MEI4: variants seen among roughly 807,000 people sequenced by gnomAD.
MEI4 encodes the protein meiotic double-stranded break formation protein 4, also known as meiosis-specific protein MEI4.
MEI4 carries 27 observed loss-of-function variants against 31.4 expected under a neutral mutation model. That is an observed-to-expected ratio of 0.86 (90% confidence interval 0.63 to 1.19). MEI4 has a LOEUF of 1.19. MEI4 is among the 50% of genes most tolerant of loss of function. The pLI, the probability that MEI4 is intolerant of heterozygous loss-of-function variation, is 0.00. For missense variants in MEI4, 329 were observed against 398.9 expected (o/e 0.82, Z 1.49); for synonymous variants, 122 against 145.4 (o/e 0.84, Z 1.16).
intron 3 of MEI4, among the ~76,000 whole-genome samples, chr6:77,764,488 T>C (rs1346593694): frequency 6.6e-6 from 1 of 152,212 alleles, no homozygotes; most frequent in Non-Finnish European, 1.5e-5. Flanking sequence ...CTGCTAATTT[T>C]TGGCTTAGTT....
At chr6:77,844,658 A>T (rs1252139329) in intron 4 of MEI4, among the ~76,000 whole-genome samples, 1 of 152,180 alleles carries the variant, frequency 6.6e-6, no homozygotes, top group African/African-American at 2.4e-5. Flanking sequence ...AATTTAAATT[A>T]TGCAGGGAAT....
intron 4 of MEI4, among the ~76,000 whole-genome samples, chr6:77,869,010 G>A (rs1295076740): frequency 6.6e-6 from 1 of 152,038 alleles, no homozygotes; most frequent in Non-Finnish European, 1.5e-5. Context: ...CGAGCTGGAT[G>A]CCTAATGCAG....
chr6:77,921,905 C>T (rs1266994721), intron 4 of MEI4, among the ~76,000 whole-genome samples: 1 of 151,628 alleles, frequency 6.6e-6, no homozygotes, highest in Non-Finnish European at 1.5e-5. Flanking sequence ...GATTGCAGAT[C>T]ACTGTAACAG....
intron 2 of MEI4, among the ~76,000 whole-genome samples, chr6:77,728,267 A>G (rs1052637584): frequency 3.9e-5 from 6 of 152,232 alleles, no homozygotes; most frequent in Non-Finnish European, 8.8e-5. Flanking sequence ...ACACTAGCTT[A>G]GTTCTAAAGA....
At chr6:77,888,029 T>A (rs1025090298) in intron 4 of MEI4, among the ~76,000 whole-genome samples, 6 of 152,196 alleles carry the variant, frequency 3.9e-5, no homozygotes, top group African/African-American at 1.4e-4. Flanking sequence ...ACTGTCCTCA[T>A]CTCCTTTTAT....
intron 4 of MEI4, among the ~76,000 whole-genome samples, chr6:77,850,230 A>G (rs1285050826): frequency 6.6e-6 from 1 of 152,170 alleles, no homozygotes; most frequent in Non-Finnish European, 1.5e-5. Context: ...TTATAGATTC[A>G]ATGCCATCCC....
upstream of MEI4, among the ~76,000 whole-genome samples, chr6:77,650,623 G>A (rs1172520540): frequency 3.3e-5 from 5 of 152,228 alleles, no homozygotes; most frequent in Non-Finnish European, 7.3e-5. Context: ...CCCTCCCTCA[G>A]CGCGAGGCCT....
intron 4 of MEI4, among the ~76,000 whole-genome samples, chr6:77,848,812 T>C (rs1770545560): frequency 1.3e-5 from 2 of 152,218 alleles, no homozygotes; most frequent in Admixed American, 6.6e-5. Context: ...TATTAACCAA[T>C]TTATTTTGAA....
chr6:77,926,119 T>C lies in MEI4; in HGVS notation c.*2773T>C, dbSNP rs576373113. The C allele has an allele frequency of 6.6e-6, 1 of 152,082 alleles. No individual in the cohort carries two copies. The highest frequency in any genetic ancestry group is 1.5e-5 in the Non-Finnish European group (1 of 67,956). The allele number at this position is 152,082 out of a possible 1,614,324, so 9.4% of individuals were successfully genotyped here. On this transcript the variant is annotated 3_prime_UTR_variant, in exon 5 of 5. Transcript: ENST00000684080. ...CACTGCCTGTTATGTGCAGCTCTCC[T>C]GGCACTTCAGTAAACTTTCACAAAC...
chr6:77,696,395 G>A (rs1247495979), intron 2 of MEI4, among the ~76,000 whole-genome samples: 1 of 152,182 alleles, frequency 6.6e-6, no homozygotes, highest in Non-Finnish European at 1.5e-5. Context: ...GATATTGGCT[G>A]TGGGATTCTC....
chr6:77,895,604 A>G (rs1766067176), intron 4 of MEI4, among the ~76,000 whole-genome samples: 1 of 152,090 alleles, frequency 6.6e-6, no homozygotes, highest in Non-Finnish European at 1.5e-5. Context: ...TCTTTTATAC[A>G]GCATGCTCTC....
At chr6:77,731,454 T>C (rs201013617) in intron 2 of MEI4, among the ~76,000 whole-genome samples, 16,593 of 144,760 alleles carry the variant, frequency 0.11, 702 homozygotes, top group Middle Eastern at 0.17. Context: ...TCATGTCCTT[T>C]GCCCACTTTT....
chr6:77,728,169 G>A (rs534396595), intron 2 of MEI4, among the ~76,000 whole-genome samples: 1 of 152,092 alleles, frequency 6.6e-6, no homozygotes, highest in South Asian at 2.1e-4. Context: ...GATTATATAG[G>A]TAACTGAAAG....
chr6:77,823,226 G>GTA (rs1395183059), intron 3 of MEI4, among the ~76,000 whole-genome samples: 2 of 151,866 alleles, frequency 1.3e-5, no homozygotes, highest in Admixed American at 6.6e-5. Flanking sequence ...TATTTTTATA[G>GTA]TATATATATA....
At chr6:77,766,132 G>A (rs1420780897) in intron 3 of MEI4, among the ~76,000 whole-genome samples, 1 of 152,190 alleles carries the variant, frequency 6.6e-6, no homozygotes, top group Non-Finnish European at 1.5e-5. Flanking sequence ...ACAGCTTCCA[G>A]TTGACCAATG....
At chr6:77,827,912 G>A (rs1269786040) in intron 3 of MEI4, among the ~76,000 whole-genome samples, 1 of 152,088 alleles carries the variant, frequency 6.6e-6, no homozygotes, top group African/African-American at 2.4e-5. Context: ...CTATGGAAGA[G>A]CTCTTTATGA....
chr6:77,885,297 C>T (rs1165402428), intron 4 of MEI4, among the ~76,000 whole-genome samples: 1 of 151,726 alleles, frequency 6.6e-6, no homozygotes, highest in Non-Finnish European at 1.5e-5. Context: ...GCAGTTCTCT[C>T]ACTTTGGCCT....
At position 77,760,384 on chromosome 6, in the gene MEI4, A is replaced by C. The variant is rs547624760; in HGVS notation, c.233-746A>C. The stretch of plus-strand genomic sequence containing the variant: ...TATTCAAGTTGGAAATTCACTCTGC[A>C]CTTTACAGGATGAATTGTAAATTCA... On this transcript the variant is annotated intron_variant, in intron 2 of 4. Transcript: ENST00000684080. Among the ~76,000 whole-genome samples the C allele has an allele frequency of 7.2e-5, 11 of 152,164 alleles. 1 individual carries two copies. In the South Asian group the frequency reaches 2.3e-3, roughly 32 times the overall value.
chr6:77,695,905 G>A (rs1178826210), intron 2 of MEI4, among the ~76,000 whole-genome samples: 2 of 152,136 alleles, frequency 1.3e-5, no homozygotes, highest in Admixed American at 6.5e-5. Flanking sequence ...AGCATGGAAT[G>A]GTCTTCTATT....
Sources: gnomAD v4.1 joint callset for allele counts (sites outside exome capture counted in the v4.1 genomes callset) on GRCh38, gnomAD v4.1.1 for gene constraint, MANE v1.5 for transcripts, NCBI Gene and HGNC (gene_info 2026-07-23, HGNC 2026-07-21) for gene names.